The following WSCD2 variants were observed in gnomAD, a reference collection of about 807,000 sequenced individuals.
WSCD2 encodes WSC domain sialate O sulfotransferase 2.
WSCD2 carries 28 observed loss-of-function variants against 55.7 expected under a neutral mutation model. That is an observed-to-expected ratio of 0.50 (90% confidence interval 0.37 to 0.69). The LOEUF is 0.69. Ranked by LOEUF, WSCD2 falls within the 30% of genes least tolerant of loss-of-function variation. The pLI, the probability that WSCD2 is intolerant of heterozygous loss-of-function variation, is 0.00. For missense variants in WSCD2, 616 were observed against 762.1 expected, an observed-to-expected ratio of 0.81 and a Z score of 2.26; for synonymous variants, 301 against 301.9, an observed-to-expected ratio of 1.00 and a Z score of 0.03.
At chr12:108,197,793 C>T (rs371806835) in intron 2 of WSCD2, among the ~76,000 whole-genome samples, 59 of 152,010 alleles carry the variant, frequency 3.9e-4, no homozygotes, top group Admixed American at 2.0e-3. Flanking sequence ...AAATTCCAGA[C>T]GCCTCCCACA....
chr12:108,190,856 G>A (rs764393558), intron 1 of WSCD2, among the ~76,000 whole-genome samples: 44 of 152,252 alleles, frequency 2.9e-4, no homozygotes, highest in South Asian at 6.2e-4. Flanking sequence ...GCTTAGAGAG[G>A]TGTCACATAA....
intron 1 of WSCD2, among the ~76,000 whole-genome samples, chr12:108,187,498 GCCTGTT>G (rs1326705887): frequency 6.6e-6 from 1 of 152,222 alleles, no homozygotes; most frequent in African/African-American, 2.4e-5. Context: ...TGGGCTCGAA[GCCTGTT>G]CCACCACTTG....
intron 6 of WSCD2, among the ~76,000 whole-genome samples, chr12:108,229,429 G>A (rs1888496719): frequency 6.6e-6 from 1 of 152,184 alleles, no homozygotes; most frequent in African/African-American, 2.4e-5. Flanking sequence ...GGCAGTGTAG[G>A]GATGCAAACC....
intron 1 of WSCD2, among the ~76,000 whole-genome samples, chr12:108,159,321 C>CAGAG (rs1878836465): frequency 6.6e-6 from 1 of 152,200 alleles, no homozygotes; most frequent in South Asian, 2.1e-4. Flanking sequence ...GTACACCATA[C>CAGAG]TCAGTCCTAA....
At chr12:108,204,419 C>G (rs1237122652) in intron 2 of WSCD2, among the ~76,000 whole-genome samples, 1 of 152,070 alleles carries the variant, frequency 6.6e-6, no homozygotes, top group Non-Finnish European at 1.5e-5. Context: ...TCCCTCTTGC[C>G]TATCCTACAA....
intron 7 of WSCD2, chr12:108,233,118 T>G (rs1390514956): frequency 1.9e-6 from 1 of 515,264 alleles, no homozygotes; most frequent in African/African-American, 1.9e-5. Context: ...TAGCATCCAT[T>G]CAATAATTGA....
chr12:108,140,312 A>G (rs1308656171), intron 1 of WSCD2, among the ~76,000 whole-genome samples: 2 of 152,206 alleles, frequency 1.3e-5, no homozygotes, highest in African/African-American at 4.8e-5. Context: ...AGGTTACATA[A>G]GTGCCAGTTA....
chr12:108,154,618 T>G (rs1878348858), intron 1 of WSCD2, among the ~76,000 whole-genome samples: 1 of 152,158 alleles, frequency 6.6e-6, no homozygotes, highest in Admixed American at 6.5e-5. Flanking sequence ...TGGGGTAGCA[T>G]TCTACTCACC....
chr12:108,185,839 A>G (rs1882415135), intron 1 of WSCD2, among the ~76,000 whole-genome samples: 1 of 152,218 alleles, frequency 6.6e-6, no homozygotes, highest in African/African-American at 2.4e-5. Context: ...GCAAATGTGC[A>G]CTAATTGACC....
rs1565985040 is a variant in WSCD2 at position 108,227,124 on chromosome 12, G to GA, written c.940dup (p.Thr314AsnfsTer3). Reference sequence around the variant, plus strand: ...GCGCGGAGGAGTTTGAGAGCTGCGGGACTCCTAGTTACTTCATTGTGTACC... The same window carrying GA: ...GCGCGGAGGAGTTTGAGAGCTGCGGGAACTCCTAGTTACTTCATTGTGTACC... On this transcript the variant is annotated frameshift_variant, in exon 6 of 9. Coordinates refer to ENST00000547525, the MANE Select transcript of WSCD2 (RefSeq NM_014653.4). LOFTEE classifies it high-confidence loss of function. 1 of 1,614,164 alleles carries GA rather than the reference G, an allele frequency of 6.2e-7. No homozygotes were observed. Among genetic ancestry groups the GA allele is most frequent in the East Asian group, 2.2e-5 (1 of 44,874 alleles).
intron 8 of WSCD2, 101 bp from the exon 9 acceptor site, chr12:108,247,890 C>T (rs923341593): frequency 2.5e-5 from 31 of 1,251,860 alleles, no homozygotes; most frequent in Non-Finnish European, 3.1e-5. Context: ...ATTGTGTTAC[C>T]GTGTTGTGCT....
intron 6 of WSCD2, among the ~76,000 whole-genome samples, chr12:108,229,974 ATTTAC>A (rs960487164): frequency 2.6e-5 from 4 of 151,882 alleles, no homozygotes; most frequent in African/African-American, 9.7e-5. Context: ...CTTTTGCTGT[ATTTAC>A]TTTATTGTCC....
chr12:108,162,888 A>G (rs1696895585), intron 1 of WSCD2, among the ~76,000 whole-genome samples: 2 of 152,152 alleles, frequency 1.3e-5, no homozygotes, highest in African/African-American at 2.4e-5. Flanking sequence ...ATATCACTAC[A>G]TGCACAGGCT....
At chr12:108,142,799 C>G (rs1876973117) in intron 1 of WSCD2, among the ~76,000 whole-genome samples, 1 of 151,982 alleles carries the variant, frequency 6.6e-6, no homozygotes, top group African/African-American at 2.4e-5. Context: ...CCTTCCTTCT[C>G]TCTCTCTCTC....
At chr12:108,183,402 G>A (rs1882057277) in intron 1 of WSCD2, among the ~76,000 whole-genome samples, 1 of 152,178 alleles carries the variant, frequency 6.6e-6, no homozygotes, top group African/African-American at 2.4e-5. Flanking sequence ...TGCTGGGGGT[G>A]AGGGGGATGA....
intron 1 of WSCD2, among the ~76,000 whole-genome samples, chr12:108,191,177 ACCTG>A (rs1275574092): frequency 6.6e-6 from 1 of 152,262 alleles, no homozygotes; most frequent in East Asian, 1.9e-4. Flanking sequence ...GAAACATCAC[ACCTG>A]CCTTGCAGCT....
At chr12:108,130,362 G>C (rs568258490) in intron 1 of WSCD2, among the ~76,000 whole-genome samples, 1 of 152,324 alleles carries the variant, frequency 6.6e-6, no homozygotes, top group East Asian at 1.9e-4. Flanking sequence ...ATGTTTCTTG[G>C]GGGTGATACT....
At chr12:108,244,164 C>G (rs1369178580) in intron 8 of WSCD2, among the ~76,000 whole-genome samples, 1 of 152,224 alleles carries the variant, frequency 6.6e-6, no homozygotes, top group Admixed American at 6.5e-5. Context: ...ACCTGTATGA[C>G]AGTTCCGGTG....
chr12:108,224,918 C>T (rs1243578756), intron 5 of WSCD2, 58 bp downstream of exon 5: 10 of 1,579,054 alleles, frequency 6.3e-6, no homozygotes, highest in Non-Finnish European at 6.9e-6. Context: ...AGCAGAGCTG[C>T]AGGAACCACA....
Sources: gnomAD v4.1 joint callset for allele counts (sites outside exome capture counted in the v4.1 genomes callset) on GRCh38, gnomAD v4.1.1 for gene constraint, MANE v1.5 for transcripts, NCBI Gene and HGNC (gene_info 2026-07-23, HGNC 2026-07-21) for gene names.